NALCN: variants seen among roughly 807,000 people sequenced by gnomAD.
The protein encoded by NALCN is sodium leak channel, non-selective.
A neutral mutation model predicts 225.3 loss-of-function variants in NALCN; 111 were observed. The ratio of observed to expected loss-of-function variants is 0.49; its 90% CI spans 0.42 to 0.58. NALCN has a LOEUF of 0.58. Among genes scored for constraint, NALCN ranks in the 20% least tolerant of loss-of-function variants. NALCN has a pLI of 0.00. For missense variants in NALCN, 1,378 were observed against 2,202.4 expected, an observed-to-expected ratio of 0.63 and a Z score of 7.49; for synonymous variants, 764 against 769.0, an observed-to-expected ratio of 0.99 and a Z score of 0.11.
chr13:101,124,402 G>C (rs1022177618), intron 18 of NALCN, among the ~76,000 whole-genome samples: 7 of 152,126 alleles, frequency 4.6e-5, no homozygotes, highest in African/African-American at 1.7e-4. Context: ...TTGAAAGAAA[G>C]GCCTACTGAG....
At chr13:101,300,717 T>C (rs2043934125) in intron 7 of NALCN, among the ~76,000 whole-genome samples, 1 of 152,240 alleles carries the variant, frequency 6.6e-6, no homozygotes, top group African/African-American at 2.4e-5. Flanking sequence ...TCAAGTCATG[T>C]GCTCCACACA....
intron 15 of NALCN, among the ~76,000 whole-genome samples, chr13:101,173,271 T>C (rs1439460493): frequency 1.3e-5 from 2 of 152,240 alleles, no homozygotes; most frequent in East Asian, 3.8e-4. Flanking sequence ...TACAACATCA[T>C]TATTTATAAA....
chr13:101,118,232 A>T lies in NALCN; in HGVS notation c.2192+6376T>A, dbSNP rs190405280. ...TTTGCTCCATTTTGCCGCAAACCTA[A>T]AACTGCTCAAAAAATAGTCTATTAA... On this transcript the variant is annotated intron_variant, in intron 18 of 43. Transcript: ENST00000251127. Among the ~76,000 whole-genome samples the T allele has an allele frequency of 1.5e-3, 228 of 152,146 alleles. 1 individual carries two copies. The highest frequency in any genetic ancestry group is 3.4e-3 in the Admixed American group (52 of 15,256).
At chr13:101,147,355 T>TC (rs1491397523) in intron 15 of NALCN, among the ~76,000 whole-genome samples, 4 of 47,400 alleles carry the variant, frequency 8.4e-5, no homozygotes, top group Admixed American at 3.5e-4. Flanking sequence ...TCTCTCTCTC[T>TC]TTTTTTTTTT....
intron 30 of NALCN, among the ~76,000 whole-genome samples, chr13:101,087,198 G>T (rs1305579078): frequency 1.3e-5 from 2 of 152,016 alleles, no homozygotes; most frequent in Non-Finnish European, 2.9e-5. Context: ...TTCAAAAGAA[G>T]ACATATTTTT....
intron 13 of NALCN, among the ~76,000 whole-genome samples, chr13:101,195,183 T>C (rs2039839723): frequency 6.6e-6 from 1 of 152,158 alleles, no homozygotes; most frequent in Admixed American, 6.5e-5. Context: ...AGAGTTTCAG[T>C]GGAAAGAAGG....
At chr13:101,231,979 A>G (rs530696510) in intron 12 of NALCN, among the ~76,000 whole-genome samples, 2 of 151,444 alleles carry the variant, frequency 1.3e-5, no homozygotes, top group South Asian at 2.1e-4. Context: ...GATGCCTTTA[A>G]TAAGAAATGT....
At chr13:101,272,155 T>A (rs550178033) in intron 10 of NALCN, among the ~76,000 whole-genome samples, 1 of 152,124 alleles carries the variant, frequency 6.6e-6, no homozygotes, top group South Asian at 2.1e-4. Flanking sequence ...TGAGCATGTG[T>A]GAGCCTGTAT....
chr13:101,267,369 T>C (rs2042631946), intron 10 of NALCN, among the ~76,000 whole-genome samples: 1 of 152,192 alleles, frequency 6.6e-6, no homozygotes, highest in African/African-American at 2.4e-5. Flanking sequence ...GGATTGATTA[T>C]GATGCCAAGC....
intron 6 of NALCN, among the ~76,000 whole-genome samples, chr13:101,351,960 G>A (rs2045919562): frequency 1.3e-5 from 2 of 152,148 alleles, no homozygotes; most frequent in African/African-American, 2.4e-5. Flanking sequence ...TTGGCCTTCT[G>A]TAATCACTGT....
intron 41 of NALCN, 110 bp downstream of exon 41, chr13:101,061,858 G>T: frequency 2.0e-6 from 2 of 1,010,440 alleles, no homozygotes; most frequent in Non-Finnish European, 2.8e-6. Context: ...ATAGAAGGCT[G>T]ATCACAGAAG....
chr13:101,231,868 C>A (rs1344509457), intron 12 of NALCN, among the ~76,000 whole-genome samples: 3 of 152,176 alleles, frequency 2.0e-5, no homozygotes, highest in Non-Finnish European at 4.4e-5. Flanking sequence ...ATTCCTACCC[C>A]AGCCTTAGTA....
At chr13:101,122,777 A>G (rs2036041399) in intron 18 of NALCN, among the ~76,000 whole-genome samples, 2 of 152,230 alleles carry the variant, frequency 1.3e-5, no homozygotes, top group South Asian at 4.1e-4. Context: ...TTATTTTTCA[A>G]TTCAAATAAC....
intron 15 of NALCN, among the ~76,000 whole-genome samples, chr13:101,173,250 C>G (rs1196407507): frequency 6.6e-6 from 1 of 152,156 alleles, no homozygotes; most frequent in Non-Finnish European, 1.5e-5. Flanking sequence ...TATGAGGATG[C>G]CTTTGTTATC....
intron 13 of NALCN, among the ~76,000 whole-genome samples, chr13:101,226,027 A>C (rs1037820674): frequency 1.3e-5 from 2 of 152,110 alleles, no homozygotes; most frequent in Non-Finnish European, 2.9e-5. Flanking sequence ...CAGAAAGAAT[A>C]TACCACCCCT....
At chr13:101,237,986 C>A in intron 11 of NALCN, 64 bp from the exon 12 acceptor site, 1 of 1,468,890 alleles carries the variant, frequency 6.8e-7, no homozygotes. Context: ...AATTATTTCA[C>A]ATATTTGTCA....
chr13:101,137,101 C>T (rs2036837701), intron 17 of NALCN, among the ~76,000 whole-genome samples: 1 of 152,104 alleles, frequency 6.6e-6, no homozygotes, highest in Non-Finnish European at 1.5e-5. Flanking sequence ...ATTATTGTGA[C>T]TAAATTGGGA....
At chr13:101,397,105 T>TATATAC (rs1339413554) in intron 2 of NALCN, among the ~76,000 whole-genome samples, 3 of 77,822 alleles carry the variant, frequency 3.9e-5, no homozygotes, top group Non-Finnish European at 4.7e-5. Context: ...TATATATATA[T>TATATAC]ATATACATAC....
chr13:101,311,919 A>C (rs1232805202), intron 7 of NALCN, among the ~76,000 whole-genome samples: 2 of 152,066 alleles, frequency 1.3e-5, no homozygotes, highest in East Asian at 3.9e-4. Flanking sequence ...TGATTGGAAT[A>C]GTTTCAGAAG....
Sources: allele counts gnomAD v4.1 joint callset (sites outside exome capture counted in the v4.1 genomes callset), GRCh38; gene constraint gnomAD v4.1.1; transcripts MANE v1.5; gene names NCBI Gene and HGNC (gene_info 2026-07-23, HGNC 2026-07-21).